The following HPGD variants were observed in gnomAD, a reference collection of about 807,000 sequenced individuals.
HPGD encodes the protein 15-hydroxyprostaglandin dehydrogenase.
HPGD carries 29 observed loss-of-function variants against 30.0 expected under a neutral mutation model. The ratio of observed to expected loss-of-function variants is 0.97; its 90% confidence interval spans 0.72 to 1.32. The LOEUF is 1.32. HPGD is among the 40% of genes most tolerant of loss of function. HPGD has a pLI of 0.00. For missense variants in HPGD, 340 were observed against 322.1 expected, an observed-to-expected ratio of 1.06 and a Z score of -0.43; for synonymous variants, 99 against 112.4, an observed-to-expected ratio of 0.88 and a Z score of 0.75.
Position 174,492,102 on chromosome 4 carries a change from TA to T in HPGD, c.663-9del, listed in dbSNP as rs765683729. The stretch of plus-strand genomic sequence containing the variant: ...TTGGCAATCAATGGTGGGCTAAAAA[TA>T]AAGAAAACAGTATTTTGAAACGAAA... On this transcript the variant is annotated splice_polypyrimidine_tract_variant and intron_variant, in intron 6 of 6. Transcript: ENST00000296522. This position sits in a 1 kb window ranked among gnomAD's most constrained non-coding sequence, Gnocchi z 4.9. The T allele has an allele frequency of 6.2e-7, 1 of 1,609,662 alleles. No homozygotes were observed. The highest frequency in any genetic ancestry group is 1.1e-5 in the South Asian group (1 of 90,970).
At chr4:174,515,861 G>A (rs769977173) in intron 3 of HPGD, among the ~76,000 whole-genome samples, 11 of 151,612 alleles carry the variant, frequency 7.3e-5, no homozygotes, top group Non-Finnish European at 1.2e-4. Context: ...ACAGACACAT[G>A]GCCAACAAAC....
rs1734357158 is a variant in HPGD, at chr4:174,491,900, G to T, written c.*56C>A. 3.5e-6 allele frequency: 5 copies of T among 1,426,838 alleles called. No homozygotes were observed. The highest frequency in any genetic ancestry group is 3.4e-5 in the Admixed American group (2 of 59,662). The allele number at this position is 1,426,838 out of a possible 1,614,324, so 88.4% of individuals were successfully genotyped here. A position where few individuals can be genotyped will look rare whatever the true frequency, so the allele number is the denominator to read the frequency against. ...AAAAGCTATATTCAAATGAAGATAGGATCTGAATATAAGCTATTTGTGCTT... is the reference window on the plus strand; with the variant it reads ...AAAAGCTATATTCAAATGAAGATAGTATCTGAATATAAGCTATTTGTGCTT... On this transcript the variant is annotated 3_prime_UTR_variant, in exon 7 of 7. Transcript: ENST00000296522.
At chr4:174,501,164 T>C (rs1239581123) in intron 4 of HPGD, among the ~76,000 whole-genome samples, 1 of 152,202 alleles carries the variant, frequency 6.6e-6, no homozygotes, top group Non-Finnish European at 1.5e-5. Flanking sequence ...GGAGGACCCC[T>C]GTTGCAGGAC....
intron 3 of HPGD, among the ~76,000 whole-genome samples, chr4:174,511,738 C>T (rs1219907313): frequency 6.6e-6 from 1 of 152,158 alleles, no homozygotes; most frequent in Non-Finnish European, 1.5e-5. Flanking sequence ...GCTCCGCCTC[C>T]CGGGTTCACG....
chr4:174,502,020 A>G (rs1428810050), intron 4 of HPGD, among the ~76,000 whole-genome samples: 1 of 152,214 alleles, frequency 6.6e-6, no homozygotes, highest in Non-Finnish European at 1.5e-5. Flanking sequence ...AATGCTGAAA[A>G]TTCAACTTAG....
intron 4 of HPGD, among the ~76,000 whole-genome samples, chr4:174,504,402 CTACTGAGTGACAGAGCATGT>C (rs1203525741): frequency 3.3e-5 from 5 of 152,180 alleles, no homozygotes; most frequent in Non-Finnish European, 7.3e-5. Flanking sequence ...TCACAAAATG[CTACTGAGTGACAGAGCATGT>C]CCCTAGTGAA....
intron 4 of HPGD, among the ~76,000 whole-genome samples, chr4:174,499,612 T>C (rs887147444): frequency 2.6e-5 from 4 of 152,174 alleles, no homozygotes; most frequent in Non-Finnish European, 4.4e-5. Flanking sequence ...ATCTGATCAC[T>C]CCAGTCAAAC....
intron 4 of HPGD, among the ~76,000 whole-genome samples, chr4:174,504,874 A>G (rs926870446): frequency 6.6e-6 from 1 of 152,142 alleles, no homozygotes; most frequent in Non-Finnish European, 1.5e-5. Context: ...TTGACTCATG[A>G]GATGTTTTAA....
At chr4:174,514,420 A>T (rs1735662332) in intron 3 of HPGD, among the ~76,000 whole-genome samples, 1 of 152,164 alleles carries the variant, frequency 6.6e-6, no homozygotes, top group Non-Finnish European at 1.5e-5. Flanking sequence ...AAAAGTTTTA[A>T]AAGAACTGCA....
chr4:174,522,444 A>C lies in HPGD; in HGVS notation c.8T>G (p.Val3Gly). MH[V>G]NGKVALVTGA... ...GGTCACCAGCGCCACTTTGCCGTTC[A>C]CGTGCATGGTGCAGCCACTGCTGGG... The change falls in exon 1 of 7, where the codon GTG becomes GGG. Residue 3 changes from valine (V) to glycine (G), a missense_variant. Physicochemically the swap from Val to Gly is moderately radical, Grantham distance 109. Transcript: ENST00000296522. The C allele has an allele frequency of 6.3e-7, 1 of 1,579,132 alleles. No homozygotes were observed. Among genetic ancestry groups the C allele is most frequent in the Non-Finnish European group, 8.6e-7 (1 of 1,163,374 alleles).
chr4:174,497,569 T>TTTTC (rs1667407421), intron 4 of HPGD, among the ~76,000 whole-genome samples: 1 of 24,148 alleles, frequency 4.1e-5, no homozygotes, highest in African/African-American at 1.4e-4. Context: ...TTTTTCTTTC[T>TTTTC]TTTTTTTTTT....
chr4:174,495,695 T>A, intron 4 of HPGD, 71 bp from the exon 5 acceptor site: 1 of 989,436 alleles, frequency 1.0e-6, no homozygotes, highest in Non-Finnish European at 1.6e-6. Flanking sequence ...GTAATGAAAA[T>A]GCAAATGAAT....
Position 174,497,568 on chromosome 4 carries a change from C to CT in HPGD, c.422-1945dup, listed in dbSNP as rs778825547. Among the ~76,000 whole-genome samples, 25 of 51,102 alleles carry CT rather than the reference C, an allele frequency of 4.9e-4. 1 individual carries two copies. Among genetic ancestry groups the CT allele is most frequent in the African/African-American group, 1.6e-3 (24 of 14,964 alleles). The allele number at this position is 51,102 out of a possible 152,430, so 33.5% of individuals were successfully genotyped here. On this transcript the variant is annotated intron_variant, in intron 4 of 6. Coordinates refer to ENST00000296522, the MANE Select transcript of HPGD (RefSeq NM_000860.6). ...CACTTTCTTTTCTTTCTTTTTCTTT[C>CT]TTTTTTTTTTTTTTTTTTTTTTTTT... is the stretch of plus-strand genomic sequence containing the variant.
Position 174,494,299 on chromosome 4 carries a change from G to C in HPGD, c.499-985C>G. 6.6e-6 allele frequency among the ~76,000 whole-genome samples: 1 copy of C among 152,168 alleles called. No homozygotes were observed. Among genetic ancestry groups the C allele is most frequent in the East Asian group, 1.9e-4 (1 of 5,192 alleles). ...AGGTTATGTATTGACTGGTTGATTGGAGTTTTGTGACCAGAGGCTTTCAGG... is the reference window on the plus strand; with the variant it reads ...AGGTTATGTATTGACTGGTTGATTGCAGTTTTGTGACCAGAGGCTTTCAGG... On this transcript the variant is annotated intron_variant, in intron 5 of 6. Transcript: ENST00000296522. The surrounding 1 kb of genome is among the most constrained non-coding windows in gnomAD (Gnocchi z 4.9).
intron 4 of HPGD, among the ~76,000 whole-genome samples, chr4:174,498,715 GT>G (rs5864276): frequency 0.5 from 75,385 of 151,320 alleles, 19,882 homozygotes; most frequent in Non-Finnish European, 0.59. Flanking sequence ...GTTAATTGAA[GT>G]TTTTTTTTCT....
intron 6 of HPGD, 109 bp downstream of exon 6, chr4:174,493,042 G>A (rs183132153): frequency 5.8e-6 from 6 of 1,041,200 alleles, no homozygotes; most frequent in Admixed American, 2.9e-5. Flanking sequence ...AAAGTTTGAA[G>A]CTTGTGTTCA....
chr4:174,497,392 A>G (rs1034650870), intron 4 of HPGD, among the ~76,000 whole-genome samples: 1 of 152,096 alleles, frequency 6.6e-6, no homozygotes, highest in Non-Finnish European at 1.5e-5. Context: ...GACAACATAC[A>G]TACTTTCCTT....
rs537693132 is a variant in HPGD at position 174,495,648 on chromosome 4, T to G, written c.422-24A>C. On this transcript the variant is annotated intron_variant, in intron 4 of 6. Transcript: ENST00000296522. ...TCCTGAAACAGACAAATATAACATT[T>G]AAATGCTTTGATGAAAAAATAAGTA... 3.2e-6 allele frequency: 5 copies of G among 1,553,808 alleles called. No individual in the cohort carries two copies. The African/African-American group carries it at 6.8e-5, about 21-fold the overall frequency.
chr4:174,519,479 C>A (rs1272457015), intron 2 of HPGD, among the ~76,000 whole-genome samples: 1 of 152,128 alleles, frequency 6.6e-6, no homozygotes, highest in South Asian at 2.1e-4. Context: ...TCCCCTGTGA[C>A]CTGCACATAT....
Sources: gnomAD v4.1 joint callset for allele counts (sites outside exome capture counted in the v4.1 genomes callset) on GRCh38, gnomAD v4.1.1 for gene constraint, Gnocchi (gnomAD v3.1) non-coding constraint, MANE v1.5 for transcripts, NCBI Gene and HGNC (gene_info 2026-07-23, HGNC 2026-07-21) for gene names.